The following DCUN1D4 variants were observed in gnomAD, a reference collection of about 807,000 sequenced individuals.
DCUN1D4 encodes DCN1-like protein 4.
Under a neutral mutation model 47.9 loss-of-function variants are expected in DCUN1D4, and 22 were observed. The observed-to-expected ratio is 0.46, with a 90% CI of 0.33 to 0.66. DCUN1D4 has a LOEUF of 0.66. Among genes scored for constraint, DCUN1D4 ranks in the 30% least tolerant of loss-of-function variants. DCUN1D4 has a pLI of 0.02. For synonymous variants in DCUN1D4, 121 were observed against 112.2 expected (o/e 1.08, Z -0.50); for missense variants, 301 against 340.8 (o/e 0.88, Z 0.92).
intron 8 of DCUN1D4, among the ~76,000 whole-genome samples, chr4:51,903,889 C>T (rs755357259): frequency 5.9e-5 from 9 of 151,984 alleles, no homozygotes; most frequent in East Asian, 1.9e-4. Context: ...TTTTCTGCTT[C>T]GTTGAATTTC....
chr4:51,912,703 C>T (rs753904396), intron 9 of DCUN1D4, among the ~76,000 whole-genome samples: 2 of 152,160 alleles, frequency 1.3e-5, no homozygotes, highest in Admixed American at 6.5e-5. Flanking sequence ...TGATCAGATT[C>T]GAGTTTTGAA....
At chr4:51,870,409 T>TA (rs1161578948) in intron 3 of DCUN1D4, among the ~76,000 whole-genome samples, 2 of 152,178 alleles carry the variant, frequency 1.3e-5, no homozygotes, top group Admixed American at 6.5e-5. Flanking sequence ...CCAAGAAACT[T>TA]AAAGTTAACT....
At chr4:51,860,904 G>A (rs1724947151) in intron 1 of DCUN1D4, among the ~76,000 whole-genome samples, 1 of 152,168 alleles carries the variant, frequency 6.6e-6, no homozygotes, top group Non-Finnish European at 1.5e-5. Context: ...TACAGAGGAA[G>A]CTCTGACCTT....
intron 7 of DCUN1D4, among the ~76,000 whole-genome samples, chr4:51,897,407 T>C (rs1248094259): frequency 6.6e-6 from 1 of 152,200 alleles, no homozygotes; most frequent in Non-Finnish European, 1.5e-5. Flanking sequence ...TCATACAGTA[T>C]ACAAAATATA....
intron 8 of DCUN1D4, among the ~76,000 whole-genome samples, chr4:51,901,728 G>A (rs1438568771): frequency 6.6e-6 from 1 of 152,130 alleles, no homozygotes; most frequent in Non-Finnish European, 1.5e-5. Context: ...TTGAGTACAG[G>A]CCTTAATTTT....
At chr4:51,840,227 T>G (rs937945474), upstream of DCUN1D4, among the ~76,000 whole-genome samples, 1 of 151,918 alleles carries the variant, frequency 6.6e-6, no homozygotes, top group Non-Finnish European at 1.5e-5. Context: ...AACCTCTCCA[T>G]GGGGATCATG....
chr4:51,888,849 G>T (rs1729967562), intron 6 of DCUN1D4, among the ~76,000 whole-genome samples: 1 of 152,142 alleles, frequency 6.6e-6, no homozygotes, highest in African/African-American at 2.4e-5. Context: ...GCTCACGCCT[G>T]TAATCCCAGT....
intron 1 of DCUN1D4, chr4:51,843,498 G>T (rs1166242486): frequency 4.7e-6 from 6 of 1,285,510 alleles, no homozygotes; most frequent in Middle Eastern, 2.9e-4. Context: ...GCGGAGGTGA[G>T]GGGGGTGGGG....
intron 1 of DCUN1D4, chr4:51,844,911 A>T (rs1455557732): frequency 1.0e-6 from 1 of 985,296 alleles, no homozygotes; most frequent in East Asian, 1.1e-4. Flanking sequence ...TTCCCCGGCC[A>T]GCTCCTGCGC....
intron 1 of DCUN1D4, among the ~76,000 whole-genome samples, chr4:51,846,435 A>G (rs1236173722): frequency 6.6e-6 from 1 of 152,060 alleles, no homozygotes; most frequent in African/African-American, 2.4e-5. Flanking sequence ...GTGTACCCCT[A>G]CTGGCACTTA....
rs895749739 is a variant in DCUN1D4 at position 51,866,186 on chromosome 4, G to A, written c.136+2477G>A. On this transcript the variant is annotated intron_variant, in intron 3 of 10. Coordinates refer to ENST00000334635, the MANE Select transcript of DCUN1D4 (RefSeq NM_001040402.3). ...ATCAGCAAATATAGATCAACTCAAGGACAGTCAAAAACAATTTATTTAATA... is the reference window on the plus strand; with the variant it reads ...ATCAGCAAATATAGATCAACTCAAGAACAGTCAAAAACAATTTATTTAATA... 3.7e-4 allele frequency among the ~76,000 whole-genome samples: 56 copies of A among 152,054 alleles called. 1 individual carries two copies. Among genetic ancestry groups the A allele is most frequent in the Admixed American group, 3.9e-4 (6 of 15,268 alleles).
At chr4:51,852,187 C>T (rs1723477317) in intron 1 of DCUN1D4, among the ~76,000 whole-genome samples, 2 of 152,156 alleles carry the variant, frequency 1.3e-5, no homozygotes, top group South Asian at 4.2e-4. Context: ...TGCTGGTTTG[C>T]TTACAATGAG....
chr4:51,851,482 G>C (rs1723351204), intron 1 of DCUN1D4, among the ~76,000 whole-genome samples: 1 of 152,128 alleles, frequency 6.6e-6, no homozygotes, highest in Non-Finnish European at 1.5e-5. Context: ...TGGGGACAGA[G>C]AACTGTGGCA....
chr4:51,877,507 G>A, intron 4 of DCUN1D4: 1 of 273,426 alleles, frequency 3.7e-6, no homozygotes, highest in Non-Finnish European at 6.9e-6. Context: ...TACCTGTTCT[G>A]TTCAGTTCTT....
At chr4:51,876,311 G>A (rs977888266) in intron 4 of DCUN1D4, among the ~76,000 whole-genome samples, 3 of 151,698 alleles carry the variant, frequency 2.0e-5, no homozygotes, top group East Asian at 2.0e-4. Context: ...GCAAACTATC[G>A]CAAGGACAAA....
At chr4:51,858,475 C>T (rs1286796952) in intron 1 of DCUN1D4, among the ~76,000 whole-genome samples, 1 of 152,026 alleles carries the variant, frequency 6.6e-6, no homozygotes, top group African/African-American at 2.4e-5. Context: ...GGCCCTGAGC[C>T]CATGATAAGT....
At chr4:51,886,353 A>G (rs1442607223) in intron 5 of DCUN1D4, among the ~76,000 whole-genome samples, 1 of 152,232 alleles carries the variant, frequency 6.6e-6, no homozygotes, top group Admixed American at 6.5e-5. Flanking sequence ...CAACGATTGA[A>G]GGACATGGTG....
intron 5 of DCUN1D4, 40 bp downstream of exon 5, chr4:51,877,894 A>T: frequency 1.7e-5 from 22 of 1,316,564 alleles, no homozygotes; most frequent in Non-Finnish European, 2.2e-5. Flanking sequence ...GATCCTTATG[A>T]CAATAAGGAG....
At chr4:51,870,879 T>TTTTTTTTG (rs1023847705) in intron 3 of DCUN1D4, among the ~76,000 whole-genome samples, 32 of 152,316 alleles carry the variant, frequency 2.1e-4, no homozygotes, top group Middle Eastern at 3.4e-3. Context: ...AAAAGTTGTT[T>TTTTTTTTG]TTTTTTTGTA....
Sources: gnomAD v4.1 joint callset for allele counts (sites outside exome capture counted in the v4.1 genomes callset) on GRCh38, gnomAD v4.1.1 for gene constraint, MANE v1.5 for transcripts, NCBI Gene and HGNC (gene_info 2026-07-23, HGNC 2026-07-21) for gene names.